The following PLEKHG3 variants were observed in gnomAD, a reference collection of about 807,000 sequenced individuals.
PLEKHG3 encodes the protein pleckstrin homology domain-containing family G member 3.
A neutral mutation model predicts 94.9 loss-of-function variants in PLEKHG3; 62 were observed. The ratio of observed to expected loss-of-function variants is 0.65; its 90% confidence interval spans 0.53 to 0.81. The LOEUF (loss-of-function observed/expected upper bound fraction) is 0.81. PLEKHG3 is among the 30% of genes least tolerant of loss of function. PLEKHG3 has a pLI of 0.00. For missense variants in PLEKHG3, 1,461 were observed against 1,619.3 expected, an observed-to-expected ratio of 0.90 and a Z score of 1.68; for synonymous variants, 614 against 654.0, an observed-to-expected ratio of 0.94 and a Z score of 0.93.
rs17767232 is a variant in PLEKHG3, at chr14:64,732,369, G to A, written c.1213-58G>A. The stretch of plus-strand genomic sequence containing the variant: ...TCGTACAGCAACAGTGGGTCCTATG[G>A]GCAGGGAAGGCCGGCACATGGTAAG... On this transcript the variant is annotated intron_variant, in intron 10 of 16. Transcript: ENST00000247226. The surrounding 1 kb of genome is among the most constrained non-coding windows in gnomAD (Gnocchi z 4.9). The A allele has an allele frequency of 0.028, 42,160 of 1,518,660 alleles. 744 individuals carry two copies. Among genetic ancestry groups the A allele is most frequent in the Non-Finnish European group, 0.035 (38,260 of 1,093,240 alleles). 94.1% of individuals were successfully genotyped at this position (1,518,660 alleles called of 1,614,324 possible). A position where few individuals can be genotyped will look rare whatever the true frequency, so the allele number is the denominator to read the frequency against.
chr14:64,712,452 C>T (rs2081077814), intron 1 of PLEKHG3, among the ~76,000 whole-genome samples: 1 of 152,124 alleles, frequency 6.6e-6, no homozygotes, highest in Non-Finnish European at 1.5e-5. Flanking sequence ...ATGTTCCATT[C>T]CATGAACAAG....
intron 12 of PLEKHG3, among the ~76,000 whole-genome samples, chr14:64,733,849 C>A (rs1373203463): frequency 2.0e-5 from 3 of 152,042 alleles, no homozygotes; most frequent in Non-Finnish European, 4.4e-5. Context: ...TGTGTGTTTT[C>A]AAAATTGGTT....
chr14:64,727,472 A>G lies in PLEKHG3; in HGVS notation c.-39-121A>G, dbSNP rs2081373975. 1.7e-6 allele frequency: 1 copy of G among 588,374 alleles called. No individual in the cohort carries two copies. The highest frequency in any genetic ancestry group is 3.0e-6 in the Non-Finnish European group (1 of 328,642). 36.4% of individuals were successfully genotyped at this position (588,374 alleles called of 1,614,324 possible). A position where few individuals can be genotyped will look rare whatever the true frequency, so the allele number is the denominator to read the frequency against. On this transcript the variant is annotated intron_variant, in intron 1 of 16. Transcript: ENST00000247226. The surrounding 1 kb of genome is among the most constrained non-coding windows in gnomAD (Gnocchi z 6.0). ...GAACCTTTTCATCTTCTAAAACTGA[A>G]CTCTGGATGCACTAAATAATACCTT...
At chr14:64,708,876 G>A (rs2081019432) in intron 1 of PLEKHG3, among the ~76,000 whole-genome samples, 1 of 151,070 alleles carries the variant, frequency 6.6e-6, no homozygotes, top group Non-Finnish European at 1.5e-5. Context: ...TGTGATGAAG[G>A]AACTTCCTGG....
chr14:64,731,976 C>T lies in PLEKHG3; in HGVS notation c.1126-119C>T. On this transcript the variant is annotated intron_variant, in intron 9 of 16. Coordinates refer to ENST00000247226, the MANE Select transcript of PLEKHG3 (RefSeq NM_001308147.2). The surrounding 1 kb of genome is among the most constrained non-coding windows in gnomAD (Gnocchi z 6.1). ...GGGTCAAAGTGAGGAGTCAGGTTAA[C>T]CTCACAGAGGCCCCAGCATGGCCCC... 1 of 875,800 alleles carries T rather than the reference C, an allele frequency of 1.1e-6. No individual in the cohort carries two copies. The highest frequency in any genetic ancestry group is 2.5e-5 in the East Asian group (1 of 40,196). 54.3% of individuals were successfully genotyped at this position (875,800 alleles called of 1,614,324 possible).
At position 64,733,804 on chromosome 14, in the gene PLEKHG3, C is replaced by T. The variant is rs150910300; in HGVS notation, c.1345+903C>T. Among the ~76,000 whole-genome samples the T allele has an allele frequency of 9.1e-3, 1,383 of 152,312 alleles. 19 individuals are homozygous for T. The highest frequency in any genetic ancestry group is 0.032 in the African/African-American group (1,318 of 41,566). On this transcript the variant is annotated intron_variant, in intron 12 of 16. Transcript: ENST00000247226. ...GAATCGTCTATTTGAAAAGAGAAAA[C>T]CTTGCTTTTATTCTAAACTCCGTGG...
At position 64,739,805 on chromosome 14, in the gene PLEKHG3, A is replaced by G. The variant is rs1464764551; in HGVS notation, c.1518+950A>G. ...ATTTGTAAGGGATCTGACCCCACTC[A>G]TGAGGATGGAGCCCTTGTGACCTAA... On this transcript the variant is annotated intron_variant, in intron 15 of 16. Coordinates refer to ENST00000247226, the MANE Select transcript of PLEKHG3 (RefSeq NM_001308147.2). The surrounding 1 kb of genome is among the most constrained non-coding windows in gnomAD (Gnocchi z 4.1). Among the ~76,000 whole-genome samples the G allele has an allele frequency of 2.0e-5, 3 of 152,184 alleles. No homozygotes were observed. The highest frequency in any genetic ancestry group is 2.9e-5 in the Non-Finnish European group (2 of 68,036).
At position 64,737,837 on chromosome 14, in the gene PLEKHG3, C is replaced by T. The variant is rs748711752; in HGVS notation, c.1404+462C>T. 10 of 1,148,054 alleles carry T rather than the reference C, an allele frequency of 8.7e-6. 1 individual carries two copies. Among genetic ancestry groups the T allele is most frequent in the Middle Eastern group, 2.5e-4 (1 of 4,030 alleles). The allele number at this position is 1,148,054 out of a possible 1,614,324, so 71.1% of individuals were successfully genotyped here. Reference sequence around the variant, plus strand: ...GGGAGGTTGCCCAAGAGGCTGGTCACGAGGGGGTCTTGTGCTCTGAACAGC... The same window carrying T: ...GGGAGGTTGCCCAAGAGGCTGGTCATGAGGGGGTCTTGTGCTCTGAACAGC... On this transcript the variant is annotated intron_variant, in intron 14 of 16. Transcript: ENST00000247226.
At position 64,727,450 on chromosome 14, in the gene PLEKHG3, C is replaced by A; in HGVS notation, c.-39-143C>A. The stretch of plus-strand genomic sequence containing the variant: ...ATGTCATCACTGTCTATCCACAGAA[C>A]CTTTTCATCTTCTAAAACTGAACTC... On this transcript the variant is annotated intron_variant, in intron 1 of 16. Coordinates refer to ENST00000247226, the MANE Select transcript of PLEKHG3 (RefSeq NM_001308147.2). The surrounding 1 kb of genome is among the most constrained non-coding windows in gnomAD (Gnocchi z 6.0). 1.7e-6 allele frequency: 1 copy of A among 582,782 alleles called. No homozygotes were observed. The highest frequency in any genetic ancestry group is 3.1e-6 in the Non-Finnish European group (1 of 326,028). The allele number at this position is 582,782 out of a possible 1,614,324, so 36.1% of individuals were successfully genotyped here.
Position 64,731,207 on chromosome 14 carries a change from T to TGGGGG in PLEKHG3, c.849+41_849+42insGGGGG. On this transcript the variant is annotated intron_variant, in intron 7 of 16. Coordinates refer to ENST00000247226, the MANE Select transcript of PLEKHG3 (RefSeq NM_001308147.2). This position sits in a 1 kb window ranked among gnomAD's most constrained non-coding sequence, Gnocchi z 6.1. The stretch of plus-strand genomic sequence containing the variant: ...TGGGACGCTGGGGGAGGGGCAGGGC[T>TGGGGG]GGGTGGGCCAGGCTTCCGCTGGGAA... 7 of 763,676 alleles carry TGGGGG rather than the reference T, an allele frequency of 9.2e-6. No homozygotes were observed. The highest frequency in any genetic ancestry group is 1.1e-5 in the Non-Finnish European group (5 of 462,858). The allele number at this position is 763,676 out of a possible 1,614,324, so 47.3% of individuals were successfully genotyped here.
Position 64,729,097 on chromosome 14 carries a change from T to C in PLEKHG3, c.449+4T>C, listed in dbSNP as rs1293932700. 7.3e-7 allele frequency: 1 copy of C among 1,377,116 alleles called. No homozygotes were observed. Among genetic ancestry groups the C allele is most frequent in the Non-Finnish European group, 1.0e-6 (1 of 1,003,556 alleles). 85.3% of individuals were successfully genotyped at this position (1,377,116 alleles called of 1,614,324 possible). A position where few individuals can be genotyped will look rare whatever the true frequency, so the allele number is the denominator to read the frequency against. ...AAAATATCTACGCGCTGAACAGGTGTGTGAATGGGCCTGACACTCACCATG... is the reference window on the plus strand; with the variant it reads ...AAAATATCTACGCGCTGAACAGGTGCGTGAATGGGCCTGACACTCACCATG... On this transcript the variant is annotated splice_donor_region_variant and intron_variant, in intron 3 of 16. Coordinates refer to ENST00000247226, the MANE Select transcript of PLEKHG3 (RefSeq NM_001308147.2).
Position 64,728,005 on chromosome 14 carries a change from C to T in PLEKHG3, c.351+23C>T, listed in dbSNP as rs1431688627. The T allele has an allele frequency of 1.8e-5, 26 of 1,413,694 alleles. No homozygotes were observed. The highest frequency in any genetic ancestry group is 2.4e-5 in the Non-Finnish European group (25 of 1,036,120). 87.6% of individuals were successfully genotyped at this position (1,413,694 alleles called of 1,614,324 possible). On this transcript the variant is annotated intron_variant, in intron 2 of 16. Transcript: ENST00000247226. The surrounding 1 kb of genome is among the most constrained non-coding windows in gnomAD (Gnocchi z 5.9). ...GAGGTGCGTGTCGGAGGCCTTGCGG[C>T]ACAGTATTCTAGCAGAAGCCTGTTT...
In PLEKHG3 at chr14:64,741,083, T is replaced by C. The variant is rs1268673113; in HGVS notation, c.1566T>C (p.Ala522=). 1.2e-6 allele frequency: 2 copies of C among 1,609,420 alleles called. No homozygotes were observed. The highest frequency in any genetic ancestry group is 2.7e-5 in the African/African-American group (2 of 74,780). The change falls in exon 16 of 17, where the codon GCT becomes GCC. Residue 522 remains alanine (A), a synonymous_variant. Coordinates refer to ENST00000247226, the MANE Select transcript of PLEKHG3 (RefSeq NM_001308147.2). Reference sequence around the variant, plus strand: ...GGAGTGAGCAAGAGGTATTTTCTGCTGTGGAAGGGCCCAGTGCCGAGGAGA... The same window carrying C: ...GGAGTGAGCAAGAGGTATTTTCTGCCGTGGAAGGGCCCAGTGCCGAGGAGA... ...EAGSEQEVFS[A]VEGPSAEETP...
rs2081620724 is a variant in PLEKHG3 at position 64,738,509 on chromosome 14, C to T, written c.1405-233C>T. On this transcript the variant is annotated intron_variant, in intron 14 of 16. Transcript: ENST00000247226. The surrounding 1 kb of genome is among the most constrained non-coding windows in gnomAD (Gnocchi z 4.8). The stretch of plus-strand genomic sequence containing the variant: ...ACAGTGGGGCTGGAAAGGTCAAGTC[C>T]ACTTTGGAGGGACAGAAAGGTGGGC... Among the ~76,000 whole-genome samples, 1 of 152,212 alleles carries T rather than the reference C, an allele frequency of 6.6e-6. No individual in the cohort carries two copies.
chr14:64,745,405 G>A lies in PLEKHG3; in HGVS notation c.*1702G>A, dbSNP rs1173809999. On this transcript the variant is annotated 3_prime_UTR_variant, in exon 17 of 17. Coordinates refer to ENST00000247226, the MANE Select transcript of PLEKHG3 (RefSeq NM_001308147.2). This position sits in a 1 kb window ranked among gnomAD's most constrained non-coding sequence, Gnocchi z 5.0. Reference sequence around the variant, plus strand: ...CCCTGTGGGCCTTCTGACCCAACCTGAAGATGGGTCTGCTAAGTCTAACAA... The same window carrying A: ...CCCTGTGGGCCTTCTGACCCAACCTAAAGATGGGTCTGCTAAGTCTAACAA... 1 of 152,256 alleles carries A rather than the reference G, an allele frequency of 6.6e-6. No individual in the cohort carries two copies. The highest frequency in any genetic ancestry group is 6.5e-5 in the Admixed American group (1 of 15,292). 9.4% of individuals were successfully genotyped at this position (152,256 alleles called of 1,614,324 possible).
At position 64,704,721 on chromosome 14, in the gene PLEKHG3, T is replaced by TAG. The variant is rs1348613597; in HGVS notation, c.-40+17_-40+18insAG. On this transcript the variant is annotated intron_variant, in intron 1 of 16. Transcript: ENST00000247226. The surrounding 1 kb of genome is among the most constrained non-coding windows in gnomAD (Gnocchi z 5.6). ...TACCGCTCGGTGAGTGTCCCCTGAT[T>TAG]CTCCTCTCTCCCCTCTTATCTCCCT... 3 of 152,142 alleles carry TAG rather than the reference T, an allele frequency of 2.0e-5. No homozygotes were observed. Among genetic ancestry groups the TAG allele is most frequent in the African/African-American group, 4.8e-5 (2 of 41,338 alleles). The allele number at this position is 152,142 out of a possible 1,614,324, so 9.4% of individuals were successfully genotyped here.
chr14:64,736,860 C>A lies in PLEKHG3; in HGVS notation c.1353C>A (p.Thr451=), dbSNP rs981202607. The change falls in exon 13 of 17, where the codon ACC becomes ACA. Residue 451 remains threonine (T), a synonymous_variant. Transcript: ENST00000247226. The part of the protein sequence containing the change: ...VRQGRRQSEP[T]KHLLRQLNEK... ...TCATGCTTTCCTCCTCAGAGCCAAC[C>A]AAACACCTGCTCAGGCAACTCAACG... 12 of 1,612,950 alleles carry A rather than the reference C, an allele frequency of 7.4e-6. No individual in the cohort carries two copies. The highest frequency in any genetic ancestry group is 2.7e-5 in the African/African-American group (2 of 74,904).
Position 64,727,506 on chromosome 14 carries a change from A to ACCCTCCCCCCCCC in PLEKHG3, c.-39-85_-39-84insCTCCCCCCCCCCC. On this transcript the variant is annotated intron_variant, in intron 1 of 16. Coordinates refer to ENST00000247226, the MANE Select transcript of PLEKHG3 (RefSeq NM_001308147.2). The surrounding 1 kb of genome is among the most constrained non-coding windows in gnomAD (Gnocchi z 6.0). Reference sequence around the variant, plus strand: ...GCACTAAATAATACCTTCCCACCCCACCTGCCCCCACCCCTGGCAACCGTC... The same window carrying ACCCTCCCCCCCCC: ...GCACTAAATAATACCTTCCCACCCCACCCTCCCCCCCCCCCTGCCCCCACCCCTGGCAACCGTC... 1 of 297,226 alleles carries ACCCTCCCCCCCCC rather than the reference A, an allele frequency of 3.4e-6. No homozygotes were observed. The highest frequency in any genetic ancestry group is 6.5e-6 in the Non-Finnish European group (1 of 152,982). 18.4% of individuals were successfully genotyped at this position (297,226 alleles called of 1,614,324 possible). A position where few individuals can be genotyped will look rare whatever the true frequency, so the allele number is the denominator to read the frequency against.
intron 1 of PLEKHG3, among the ~76,000 whole-genome samples, chr14:64,712,611 A>G (rs2081080050): frequency 6.6e-6 from 1 of 152,140 alleles, no homozygotes; most frequent in South Asian, 2.1e-4. Flanking sequence ...CCATTTTATG[A>G]TTGCTCATTG....
Sources: gnomAD v4.1 joint callset for allele counts (sites outside exome capture counted in the v4.1 genomes callset) on GRCh38, gnomAD v4.1.1 for gene constraint, Gnocchi (gnomAD v3.1) non-coding constraint, MANE v1.5 for transcripts, NCBI Gene and HGNC (gene_info 2026-07-23, HGNC 2026-07-21) for gene names.